The following LRIG3 variants were observed in gnomAD, a reference collection of about 807,000 sequenced individuals.
LRIG3 encodes the protein leucine rich repeats and immunoglobulin like domains 3.
In LRIG3, 76 loss-of-function variants were observed where a neutral mutation model predicts 114.5. The observed-to-expected ratio is 0.66, with a 90% confidence interval of 0.55 to 0.80. The LOEUF is 0.80. LRIG3 is among the 30% of genes least tolerant of loss of function. The pLI is 0.00. For synonymous variants in LRIG3, 512 were observed against 519.8 expected (o/e 0.98, Z 0.20); for missense variants, 1,239 against 1,382.8 (o/e 0.90, Z 1.65).
At chr12:58,895,326 C>T (rs1871601587) in intron 3 of LRIG3, among the ~76,000 whole-genome samples, 1 of 152,042 alleles carries the variant, frequency 6.6e-6, no homozygotes, top group African/African-American at 2.4e-5. Flanking sequence ...GGACAGACTT[C>T]TAGAATGTTG....
At chr12:58,892,393 A>C (rs931777164) in intron 3 of LRIG3, among the ~76,000 whole-genome samples, 2 of 152,240 alleles carry the variant, frequency 1.3e-5, no homozygotes, top group African/African-American at 4.8e-5. Flanking sequence ...TCTTCGATTA[A>C]AAAGAAAACT....
At chr12:58,918,332 T>C (rs11172823) in intron 1 of LRIG3, among the ~76,000 whole-genome samples, 16,351 of 152,272 alleles carry the variant, frequency 0.11, 1,085 homozygotes, top group Admixed American at 0.17. Flanking sequence ...CAGCTACTTT[T>C]AAGACAATGT....
At chr12:58,909,595 G>A (rs985014108) in intron 3 of LRIG3, among the ~76,000 whole-genome samples, 1 of 152,158 alleles carries the variant, frequency 6.6e-6, no homozygotes, top group Non-Finnish European at 1.5e-5. Context: ...CCTTATCACA[G>A]CTCACATTCA....
At chr12:58,906,979 A>C (rs916271501) in intron 3 of LRIG3, among the ~76,000 whole-genome samples, 9 of 151,866 alleles carry the variant, frequency 5.9e-5, no homozygotes, top group Non-Finnish European at 1.3e-4. Context: ...TCTTCAATGA[A>C]GACTCCCCAA....
At chr12:58,880,130 A>G (rs1388068783) in intron 13 of LRIG3, among the ~76,000 whole-genome samples, 1 of 152,066 alleles carries the variant, frequency 6.6e-6, no homozygotes, top group Non-Finnish European at 1.5e-5. Context: ...CCCCGTCTCT[A>G]CTAAAAATAC....
At chr12:58,877,242 G>A (rs1416962104) in intron 15 of LRIG3, among the ~76,000 whole-genome samples, 158 bp downstream of exon 15, 1 of 152,148 alleles carries the variant, frequency 6.6e-6, no homozygotes, top group Non-Finnish European at 1.5e-5. Flanking sequence ...CTTTATTTGG[G>A]GCTGGAGTTT....
intron 10 of LRIG3, among the ~76,000 whole-genome samples, chr12:58,885,253 T>G (rs1871239949): frequency 6.6e-6 from 1 of 152,078 alleles, no homozygotes; most frequent in South Asian, 2.1e-4. Context: ...GGTTGTATGT[T>G]TCATAATTAA....
chr12:58,907,681 A>C lies in LRIG3; in HGVS notation c.383+6301T>G, dbSNP rs115913051. Among the ~76,000 whole-genome samples the C allele has an allele frequency of 5.9e-3, 900 of 152,332 alleles. 7 individuals carry two copies. The highest frequency in any genetic ancestry group is 0.021 in the African/African-American group (856 of 41,558). Reference sequence around the variant, plus strand: ...CTTAGACTGTTTTCACAGATAAACAAAGAAAAGTTAATTAAGTCTGTCTAA... The same window carrying C: ...CTTAGACTGTTTTCACAGATAAACACAGAAAAGTTAATTAAGTCTGTCTAA... On this transcript the variant is annotated intron_variant, in intron 3 of 18. Transcript: ENST00000320743.
chr12:58,897,671 G>C (rs980051781), intron 3 of LRIG3, among the ~76,000 whole-genome samples: 1 of 152,084 alleles, frequency 6.6e-6, no homozygotes, highest in Non-Finnish European at 1.5e-5. Context: ...TGATCTCCAA[G>C]TATAAATTCA....
chr12:58,906,785 T>C (rs1308745268), intron 3 of LRIG3, among the ~76,000 whole-genome samples: 1 of 152,146 alleles, frequency 6.6e-6, no homozygotes, highest in Non-Finnish European at 1.5e-5. Context: ...AAAGAGGCAT[T>C]TGGCAAGTCA....
chr12:58,884,723 C>T (rs1452054747), intron 10 of LRIG3, among the ~76,000 whole-genome samples: 1 of 152,170 alleles, frequency 6.6e-6, no homozygotes, highest in Non-Finnish European at 1.5e-5. Context: ...CAGAAGGTGA[C>T]AACACAGTGG....
Position 58,880,665 on chromosome 12 carries a change from A to C in LRIG3, c.1717T>G (p.Phe573Val), listed in dbSNP as rs758268109. 6 of 1,614,236 alleles carry C rather than the reference A, an allele frequency of 3.7e-6. No homozygotes were observed. The South Asian group carries it at 5.5e-5, about 15-fold the overall frequency. ...CACTGATATTTCCCCTCACTGGCAAATTCCACCTCGCGCAGCCGAAGGATG... is the reference window on the plus strand; with the variant it reads ...CACTGATATTTCCCCTCACTGGCAACTTCCACCTCGCGCAGCCGAAGGATG... ...TTILRLREVE[F>V]ASEGKYQCVI... Residue 573 changes from phenylalanine to valine, a missense_variant, in exon 13 of 19, where the codon TTT becomes GTT. Phe to Val is a conservative substitution (Grantham distance 50). Transcript: ENST00000320743.
intron 4 of LRIG3, 89 bp from the exon 5 acceptor site, chr12:58,890,228 G>C: frequency 7.4e-7 from 1 of 1,355,656 alleles, no homozygotes; most frequent in Non-Finnish European, 1.0e-6. Context: ...AGTCTCCAGA[G>C]AACTTAACCA....
At chr12:58,902,407 CA>C (rs1565621317) in intron 3 of LRIG3, among the ~76,000 whole-genome samples, 8 of 152,120 alleles carry the variant, frequency 5.3e-5, no homozygotes. Context: ...ATGGTACCTG[CA>C]GCATGAATGT....
At chr12:58,915,624 G>A (rs543173715) in intron 1 of LRIG3, among the ~76,000 whole-genome samples, 2 of 152,174 alleles carry the variant, frequency 1.3e-5, no homozygotes, top group South Asian at 4.1e-4. Context: ...ACAGACATGA[G>A]TAGATTTGTT....
intron 3 of LRIG3, among the ~76,000 whole-genome samples, chr12:58,901,324 C>A (rs1871840840): frequency 6.6e-6 from 1 of 152,166 alleles, no homozygotes; most frequent in South Asian, 2.1e-4. Context: ...GATGACCCCA[C>A]CATATTCTGT....
chr12:58,919,068 A>ATTTTAAACAGAACAACTAC (rs1178332280), intron 1 of LRIG3, among the ~76,000 whole-genome samples: 1 of 152,176 alleles, frequency 6.6e-6, no homozygotes, highest in African/African-American at 2.4e-5. Context: ...GTGCACTTTT[A>ATTTTAAACAGAACAACTAC]TTTTAAACAG....
chr12:58,899,162 T>C (rs1032165619), intron 3 of LRIG3, among the ~76,000 whole-genome samples: 1 of 152,252 alleles, frequency 6.6e-6, no homozygotes, highest in African/African-American at 2.4e-5. Context: ...AAGTTGCATT[T>C]CTACCAAGTT....
At chr12:58,901,326 A>G (rs1045676007) in intron 3 of LRIG3, among the ~76,000 whole-genome samples, 2 of 152,276 alleles carry the variant, frequency 1.3e-5, no homozygotes, top group African/African-American at 4.8e-5. Flanking sequence ...TGACCCCACC[A>G]TATTCTGTAT....
Sources: allele counts gnomAD v4.1 joint callset (sites outside exome capture counted in the v4.1 genomes callset), GRCh38; gene constraint gnomAD v4.1.1; transcripts MANE v1.5; gene names NCBI Gene and HGNC (gene_info 2026-07-23, HGNC 2026-07-21).